DPYSL2: variants seen among roughly 807,000 people sequenced by gnomAD.
The protein encoded by DPYSL2 is dihydropyrimidinase-related protein 2.
In DPYSL2, 13 loss-of-function variants were observed where a neutral mutation model predicts 69.9. The ratio of observed to expected loss-of-function variants is 0.19; its 90% CI spans 0.12 to 0.30. DPYSL2 has a LOEUF of 0.30. Ranked by LOEUF, DPYSL2 falls within the 10% of genes least tolerant of loss-of-function variation. The probability of loss-of-function intolerance (pLI) is 1.00; values close to 1 mark genes in which losing one functional copy is unlikely to be tolerated. For synonymous variants in DPYSL2, 326 were observed against 359.1 expected (o/e 0.91, Z 1.04); for missense variants, 587 against 918.9 (o/e 0.64, Z 4.67).
At chr8:26,548,576 G>A (rs182669480) in intron 1 of DPYSL2, 2 of 151,250 alleles carry the variant, frequency 1.3e-5, no homozygotes, top group Non-Finnish European at 1.5e-5. Flanking sequence ...AATAATAATA[G>A]TAATAATAAT....
At chr8:26,618,123 A>G (rs773397051) in intron 3 of DPYSL2, among the ~76,000 whole-genome samples, 1 of 152,178 alleles carries the variant, frequency 6.6e-6, no homozygotes, top group African/African-American at 2.4e-5. Context: ...AATTCAGGCC[A>G]CTGTCCTGGG....
intron 1 of DPYSL2, among the ~76,000 whole-genome samples, chr8:26,528,254 TAG>T (rs1256056110): frequency 6.6e-6 from 1 of 152,132 alleles, no homozygotes; most frequent in Non-Finnish European, 1.5e-5. Context: ...TTCTGTTGAA[TAG>T]AGAGACAGGG....
chr8:26,640,993 C>G lies in DPYSL2; in HGVS notation c.1127-2446C>G, dbSNP rs145183834. 6.6e-6 allele frequency among the ~76,000 whole-genome samples: 1 copy of G among 152,310 alleles called. No homozygotes were observed. Among genetic ancestry groups the G allele is most frequent in the Non-Finnish European group, 1.5e-5 (1 of 68,034 alleles). On this transcript the variant is annotated intron_variant, in intron 8 of 13. Coordinates refer to ENST00000521913, the MANE Select transcript of DPYSL2 (RefSeq NM_001197293.3). The surrounding 1 kb of genome is among the most constrained non-coding windows in gnomAD (Gnocchi z 4.2). ...CCTGTGCACAGAGAGAAGGGGAATC[C>G]AGCTCCTCATAGAGCAGCTCCCCAC...
intron 1 of DPYSL2, among the ~76,000 whole-genome samples, chr8:26,551,019 C>T (rs1800866570): frequency 2.0e-5 from 3 of 152,216 alleles, no homozygotes; most frequent in Non-Finnish European, 1.5e-5. Context: ...ACTCACATTA[C>T]ATCTGGATCT....
rs576879532 is a variant in DPYSL2 at position 26,587,077 on chromosome 8, G to A, written c.628+3094G>A. 2.4e-4 allele frequency among the ~76,000 whole-genome samples: 37 copies of A among 152,318 alleles called. No homozygotes were observed. Among genetic ancestry groups the A allele is most frequent in the African/African-American group, 7.9e-4 (33 of 41,570 alleles). ...GTAATAATACAGGTGAGGAACTGAG[G>A]AATTTTTATCCTTTTTCTGTTTGCT... On this transcript the variant is annotated intron_variant, in intron 3 of 13. Transcript: ENST00000521913. This position sits in a 1 kb window ranked among gnomAD's most constrained non-coding sequence, Gnocchi z 4.2.
intron 1 of DPYSL2, among the ~76,000 whole-genome samples, chr8:26,534,809 T>C (rs1800565799): frequency 6.6e-6 from 1 of 151,982 alleles, no homozygotes; most frequent in South Asian, 2.1e-4. Context: ...ATTTTTATTA[T>C]TATGTTTTGT....
chr8:26,653,166 GA>G lies in DPYSL2; in HGVS notation c.1777-65del, dbSNP rs1803312372. 3.2e-6 allele frequency: 5 copies of G among 1,557,584 alleles called. No homozygotes were observed. The South Asian group carries it at 6.0e-5, about 19-fold the overall frequency. On this transcript the variant is annotated intron_variant, in intron 12 of 13. Transcript: ENST00000521913. This position sits in a 1 kb window ranked among gnomAD's most constrained non-coding sequence, Gnocchi z 5.7. ...TCTCACAGGCCCATCCTCCCTCCAG[GA>G]GGGTTTCTAGAGAGGTATCCTCTGT...
At chr8:26,539,231 A>G (rs886692489) in intron 1 of DPYSL2, among the ~76,000 whole-genome samples, 1 of 152,238 alleles carries the variant, frequency 6.6e-6, no homozygotes, top group Non-Finnish European at 1.5e-5. Context: ...GACAATCTGA[A>G]CTAATTTAGC....
At chr8:26,561,029 C>G (rs1216760973) in intron 1 of DPYSL2, among the ~76,000 whole-genome samples, 1 of 152,132 alleles carries the variant, frequency 6.6e-6, no homozygotes, top group African/African-American at 2.4e-5. Flanking sequence ...ATCTCACCCT[C>G]TACCTGCCGT....
intron 1 of DPYSL2, chr8:26,578,062 AAGAG>A (rs1169098728): frequency 1.4e-6 from 2 of 1,461,984 alleles, no homozygotes; most frequent in Admixed American, 5.5e-5. Context: ...GAGAGGAAGA[AAGAG>A]AGACAGAGGA....
At position 26,580,587 on chromosome 8, in the gene DPYSL2, GGTGT is replaced by G. The variant is rs547247112; in HGVS notation, c.355-1377_355-1374del. On this transcript the variant is annotated intron_variant, in intron 1 of 13. Transcript: ENST00000521913. The surrounding 1 kb of genome is among the most constrained non-coding windows in gnomAD (Gnocchi z 4.1). ...AGACAATAAATACTTTCTGAACCAA[GGTGT>G]GTGTATTTATGTGTAAAATTATCTT... Among the ~76,000 whole-genome samples the G allele has an allele frequency of 3.3e-3, 508 of 152,270 alleles. 5 individuals carry two copies. Among genetic ancestry groups the G allele is most frequent in the South Asian group, 0.022 (106 of 4,828 alleles).
At chr8:26,539,750 C>T (rs756813899) in intron 1 of DPYSL2, among the ~76,000 whole-genome samples, 10 of 152,114 alleles carry the variant, frequency 6.6e-5, no homozygotes, top group Non-Finnish European at 1.3e-4. Flanking sequence ...GAAACTACAC[C>T]ACCATGCCCT....
rs1472686520 is a variant in DPYSL2, at chr8:26,582,642, G to A, written c.443+585G>A. Reference sequence around the variant, plus strand: ...AATGTTACAAAGGAGAAGCAACAGGGCAGTTCCTGAGTTTGGGTATTTTTG... The same window carrying A: ...AATGTTACAAAGGAGAAGCAACAGGACAGTTCCTGAGTTTGGGTATTTTTG... On this transcript the variant is annotated intron_variant, in intron 2 of 13. Coordinates refer to ENST00000521913, the MANE Select transcript of DPYSL2 (RefSeq NM_001197293.3). The surrounding 1 kb of genome is among the most constrained non-coding windows in gnomAD (Gnocchi z 4.1). 6.6e-6 allele frequency among the ~76,000 whole-genome samples: 1 copy of A among 152,220 alleles called. No individual in the cohort carries two copies. Among genetic ancestry groups the A allele is most frequent in the Non-Finnish European group, 1.5e-5 (1 of 68,040 alleles).
rs563696204 is a variant in DPYSL2, at chr8:26,647,186, A to G, written c.1426-444A>G. 1.5e-4 allele frequency among the ~76,000 whole-genome samples: 23 copies of G among 152,346 alleles called. 1 individual carries two copies. In the East Asian group the frequency reaches 4.4e-3, roughly 29 times the overall value. On this transcript the variant is annotated intron_variant, in intron 10 of 13. Coordinates refer to ENST00000521913, the MANE Select transcript of DPYSL2 (RefSeq NM_001197293.3). The surrounding 1 kb of genome is among the most constrained non-coding windows in gnomAD (Gnocchi z 5.1). ...GAGAGGTCCCGGGTACCCTTCACCC[A>G]GTTTCCCTCATGGTTACATCTTATA...
At chr8:26,579,186 C>T (rs552490063) in intron 1 of DPYSL2, among the ~76,000 whole-genome samples, 154 of 152,368 alleles carry the variant, frequency 1.0e-3, no homozygotes, top group African/African-American at 3.6e-3. Context: ...ATGATCGCGG[C>T]GGCCGGAGGG....
At chr8:26,584,584 C>T (rs574752151) in intron 3 of DPYSL2, among the ~76,000 whole-genome samples, 3 of 150,986 alleles carry the variant, frequency 2.0e-5, no homozygotes, top group East Asian at 3.9e-4. Flanking sequence ...AGCTGGGTGC[C>T]CCTTACGTAT....
At chr8:26,540,841 G>T (rs987208568) in intron 1 of DPYSL2, among the ~76,000 whole-genome samples, 2 of 149,132 alleles carry the variant, frequency 1.3e-5, no homozygotes, top group Non-Finnish European at 3.0e-5. Context: ...GGAGGCAGAG[G>T]TTGCAGTGGG....
intron 1 of DPYSL2, among the ~76,000 whole-genome samples, chr8:26,553,367 C>G (rs1800898973): frequency 1.7e-5 from 1 of 58,758 alleles, no homozygotes; most frequent in African/African-American, 4.6e-5. Context: ...TTCTGATCCT[C>G]TCCCTCCTCC....
At chr8:26,576,928 GC>G (rs1489344618) in intron 1 of DPYSL2, 5 of 280,746 alleles carry the variant, frequency 1.8e-5, no homozygotes, top group Admixed American at 5.8e-5. Context: ...GCGCCCCCAC[GC>G]ACCCCTCAGG....
Sources: allele counts gnomAD v4.1 joint callset (sites outside exome capture counted in the v4.1 genomes callset), GRCh38; gene constraint gnomAD v4.1.1; non-coding constraint Gnocchi (gnomAD v3.1); transcripts MANE v1.5; gene names NCBI Gene and HGNC (gene_info 2026-07-23, HGNC 2026-07-21).